ARHGEF4: variants seen among roughly 807,000 people sequenced by gnomAD.
ARHGEF4 encodes Rho guanine nucleotide exchange factor 4.
Under a neutral mutation model 162.0 loss-of-function variants are expected in ARHGEF4, and 119 were observed. The observed-to-expected ratio is 0.73, with a 90% CI of 0.63 to 0.86. The LOEUF is 0.86. ARHGEF4 is among the 40% of genes least tolerant of loss of function. The probability of loss-of-function intolerance (pLI) is 0.00; values close to 1 mark genes in which losing one functional copy is unlikely to be tolerated. For synonymous variants in ARHGEF4, 1,014 were observed against 979.9 expected (o/e 1.03, Z -0.65); for missense variants, 2,488 against 2,456.0 (o/e 1.01, Z -0.28).
chr2:130,889,686 T>G (rs1679738294), intron 1 of ARHGEF4, among the ~76,000 whole-genome samples: 1 of 150,026 alleles, frequency 6.7e-6, no homozygotes, highest in African/African-American at 2.5e-5. Flanking sequence ...GTGGCGGGCA[T>G]CTGTAATCCC....
rs1682611979 is a variant in ARHGEF4, at chr2:130,931,211, T to A, written c.3812T>A (p.Val1271Asp). 13 of 1,613,594 alleles carry A rather than the reference T, an allele frequency of 8.1e-6. No homozygotes were observed. The highest frequency in any genetic ancestry group is 1.1e-5 in the Non-Finnish European group (13 of 1,179,788). The change falls in exon 3 of 14, where the codon GTC (valine) becomes GAC (aspartate). Residue 1271 changes from valine (V) to aspartate (D), a missense_variant. Physicochemically the swap from Val to Asp is radical, Grantham distance 152 (BLOSUM62 -3). Coordinates refer to ENST00000409359, the MANE Select transcript of ARHGEF4 (RefSeq NM_001367493.1). ...AAGAAGTTGCAGAAGCAGGCCCACGTCGAAAGGAGGCTGCACATAGGGGCA... is the reference window on the plus strand; with the variant it reads ...AAGAAGTTGCAGAAGCAGGCCCACGACGAAAGGAGGCTGCACATAGGGGCA... ...QRKKLQKQAH[V>D]ERRLHIGAVH...
intron 4 of ARHGEF4, among the ~76,000 whole-genome samples, chr2:130,979,214 T>C (rs1395144832): frequency 6.6e-6 from 1 of 152,234 alleles, no homozygotes; most frequent in African/African-American, 2.4e-5. Context: ...TGACAACATA[T>C]ATTAAGGCAT....
chr2:130,866,818 A>G (rs1311570914), intron 1 of ARHGEF4, among the ~76,000 whole-genome samples: 4 of 152,168 alleles, frequency 2.6e-5, no homozygotes, highest in African/African-American at 9.7e-5. Context: ...TTATGAGAGC[A>G]GTTGGTGTGT....
chr2:131,043,609 C>G, intron 11 of ARHGEF4, 26 bp downstream of exon 11: 1 of 1,613,228 alleles, frequency 6.2e-7, no homozygotes, highest in Non-Finnish European at 8.5e-7. Flanking sequence ...TGCCCTGCTG[C>G]CCCAAGTTGA....
chr2:130,974,707 C>T (rs1685588553), intron 4 of ARHGEF4, among the ~76,000 whole-genome samples: 1 of 152,010 alleles, frequency 6.6e-6, no homozygotes, highest in Non-Finnish European at 1.5e-5. Context: ...AGCAATCCAC[C>T]CGCCTTGGCC....
intron 1 of ARHGEF4, among the ~76,000 whole-genome samples, chr2:130,906,227 T>C (rs1264640298): frequency 1.3e-5 from 2 of 152,222 alleles, no homozygotes; most frequent in African/African-American, 2.4e-5. Flanking sequence ...TCTTGTATTA[T>C]AGAATGGTAT....
Position 131,040,022 on chromosome 2 carries a change from G to A in ARHGEF4, c.4312G>A (p.Val1438Met). ...WFPASFVRLRVNQDEPADDDA... is the reference protein window; with the variant it reads ...WFPASFVRLRMNQDEPADDDA... ...GGCCACGCATGGCCTGCAGCTGAGG[G>A]TGAATCAGGACGAGCCCGCGGATGA... The change falls in exon 7 of 14, where the codon GTG (valine) becomes ATG (methionine). Residue 1438 changes from valine (V) to methionine (M), a missense_variant. Transcript: ENST00000409359. 5.1e-6 allele frequency: 8 copies of A among 1,559,250 alleles called. No homozygotes were observed. Among genetic ancestry groups the A allele is most frequent in the Non-Finnish European group, 6.9e-6 (8 of 1,152,838 alleles).
intron 5 of ARHGEF4, chr2:131,034,926 C>T: frequency 1.0e-6 from 1 of 960,996 alleles, no homozygotes; most frequent in East Asian, 1.2e-4. Flanking sequence ...GCCAGGGTTG[C>T]CAGGGCTTGG....
intron 4 of ARHGEF4, among the ~76,000 whole-genome samples, chr2:130,952,991 TATAGATTC>T (rs947357271): frequency 3.3e-5 from 5 of 152,138 alleles, no homozygotes; most frequent in African/African-American, 9.7e-5. Context: ...CAAGATAATT[TATAGATTC>T]AATGCCATCC....
chr2:130,972,391 C>T (rs1386823668), intron 4 of ARHGEF4, among the ~76,000 whole-genome samples: 2 of 152,190 alleles, frequency 1.3e-5, no homozygotes, highest in African/African-American at 4.8e-5. Context: ...AAAATATCAG[C>T]AATGCTCCTA....
At chr2:130,856,974 G>A (rs1284270806) in intron 1 of ARHGEF4, among the ~76,000 whole-genome samples, 1 of 152,224 alleles carries the variant, frequency 6.6e-6, no homozygotes, top group Non-Finnish European at 1.5e-5. Context: ...TGTAATCCCA[G>A]CACTTTGGGA....
At chr2:130,960,930 C>T (rs905762196) in intron 4 of ARHGEF4, among the ~76,000 whole-genome samples, 7 of 152,088 alleles carry the variant, frequency 4.6e-5, no homozygotes, top group African/African-American at 1.2e-4. Context: ...CTGAGGTCTC[C>T]GGAAGATTAA....
At position 130,915,073 on chromosome 2, in the gene ARHGEF4, A is replaced by C. The variant is rs528963524; in HGVS notation, c.1127A>C (p.Gln376Pro). 3.2e-6 allele frequency: 5 copies of C among 1,550,684 alleles called. No individual in the cohort carries two copies. The South Asian group carries it at 5.9e-5, about 18-fold the overall frequency. Residue 376 changes from glutamine to proline, a missense_variant, in exon 2 of 14, where the codon CAA (glutamine) becomes CCA (proline). Physicochemically the swap from Gln to Pro is moderately conservative, Grantham distance 76. This residue lies in a region of ARHGEF4 where 1,642 missense variants were observed against 1,481.5 expected (regional missense o/e 1.11). Coordinates refer to ENST00000409359, the MANE Select transcript of ARHGEF4 (RefSeq NM_001367493.1). ...AAAAATGAACGAGATCCAAGAATAC[A>C]AAACATCCCTTCCCCTGCACCCACC... ...GAKNERDPRI[Q>P]NIPSPAPTQL...
intron 1 of ARHGEF4, among the ~76,000 whole-genome samples, chr2:130,887,660 C>G (rs1260933289): frequency 1.3e-5 from 2 of 152,072 alleles, no homozygotes; most frequent in African/African-American, 2.4e-5. Flanking sequence ...CTGAAAACAA[C>G]AACAAAATGA....
rs762428672 is a variant in ARHGEF4 at position 131,040,305 on chromosome 2, G to A, written c.4527G>A (p.Glu1509=). The change falls in exon 8 of 14, where the codon GAG becomes GAA. Residue 1509 remains glutamate, a synonymous_variant. Transcript: ENST00000409359. ...QCRKRADMFS[E]EQLRTIFGNI... ...GCAAGCGCGCAGACATGTTCAGCGA[G>A]GAGCAGCTGCGTACCATCTTCGGGA... 6.2e-7 allele frequency: 1 copy of A among 1,613,040 alleles called. No homozygotes were observed. The highest frequency in any genetic ancestry group is 1.7e-5 in the Admixed American group (1 of 60,010).
At chr2:130,930,870 A>G in intron 2 of ARHGEF4, 82 bp from the exon 3 acceptor site, 3 of 1,375,508 alleles carry the variant, frequency 2.2e-6, no homozygotes, top group Non-Finnish European at 3.0e-6. Flanking sequence ...CCCAAAAGGA[A>G]CTAGGCAGAG....
intron 4 of ARHGEF4, among the ~76,000 whole-genome samples, chr2:130,996,843 G>T (rs1393427873): frequency 6.6e-6 from 1 of 152,062 alleles, no homozygotes; most frequent in Admixed American, 6.6e-5. Flanking sequence ...CAAGTCTATT[G>T]GATGTAAAGT....
rs144043890 is a variant in ARHGEF4 at position 130,967,754 on chromosome 2, G to A, written c.3985+21119G>A. On this transcript the variant is annotated intron_variant, in intron 4 of 13. Transcript: ENST00000409359. ...ATGCCCCATTATGTGTGCTAAGCAC[G>A]CTGACAGAAGCTCAAAAACATGGTT... Among the ~76,000 whole-genome samples the A allele has an allele frequency of 4.3e-3, 658 of 152,298 alleles. 6 individuals carry two copies. The highest frequency in any genetic ancestry group is 0.015 in the African/African-American group (627 of 41,572).
chr2:130,853,843 G>T (rs187561189), intron 1 of ARHGEF4, among the ~76,000 whole-genome samples: 6 of 152,304 alleles, frequency 3.9e-5, no homozygotes, highest in Admixed American at 3.3e-4. Context: ...GAGGTGAGCC[G>T]GAGGATGCAG....
Sources: allele counts gnomAD v4.1 joint callset (sites outside exome capture counted in the v4.1 genomes callset), GRCh38; gene constraint gnomAD v4.1.1; regional missense constraint gnomAD v4.1.1; transcripts MANE v1.5; gene names NCBI Gene and HGNC (gene_info 2026-07-23, HGNC 2026-07-21).